KCNK2: variants seen among roughly 807,000 people sequenced by gnomAD.
KCNK2 encodes the protein potassium two pore domain channel subfamily K member 2, also known as potassium channel subfamily K member 2.
A neutral mutation model predicts 40.5 loss-of-function variants in KCNK2; 21 were observed. That is an observed-to-expected ratio of 0.52 (90% CI 0.37 to 0.75). The LOEUF is 0.75. Ranked by LOEUF, KCNK2 falls within the 30% of genes least tolerant of loss-of-function variation. The pLI is 0.00. For synonymous variants in KCNK2, 191 were observed against 202.2 expected, an observed-to-expected ratio of 0.94 and a Z score of 0.47; for missense variants, 399 against 531.6, an observed-to-expected ratio of 0.75 and a Z score of 2.45.
At chr1:215,048,809 A>G (rs1386691394) in intron 1 of KCNK2, among the ~76,000 whole-genome samples, 1 of 152,200 alleles carries the variant, frequency 6.6e-6, no homozygotes, top group Non-Finnish European at 1.5e-5. Context: ...CAGCCTGGAC[A>G]TGCATCTGAG....
chr1:215,213,175 AC>A (rs532602853), intron 6 of KCNK2, among the ~76,000 whole-genome samples: 14 of 152,212 alleles, frequency 9.2e-5, no homozygotes, highest in Non-Finnish European at 1.5e-4. Context: ...TCTGCATTTT[AC>A]CAGTGGGAAT....
chr1:215,043,599 T>G (rs1043631717), intron 1 of KCNK2, among the ~76,000 whole-genome samples: 4 of 152,094 alleles, frequency 2.6e-5, no homozygotes, highest in Non-Finnish European at 5.9e-5. Flanking sequence ...GTCAGAATCA[T>G]AGAGACAGAA....
intron 3 of KCNK2, among the ~76,000 whole-genome samples, chr1:215,128,563 A>G (rs1403989387): frequency 6.6e-6 from 1 of 152,188 alleles, no homozygotes; most frequent in Non-Finnish European, 1.5e-5. Context: ...TTTCAGTGCT[A>G]TGAGAATTGA....
chr1:215,183,788 A>G (rs1336841874), intron 5 of KCNK2, among the ~76,000 whole-genome samples: 1 of 152,196 alleles, frequency 6.6e-6, no homozygotes, highest in African/African-American at 2.4e-5. Flanking sequence ...AGAGAGTTTT[A>G]TACTTTTTGG....
chr1:215,059,136 T>C (rs1053632665), intron 1 of KCNK2, among the ~76,000 whole-genome samples: 5 of 120,642 alleles, frequency 4.1e-5, no homozygotes, highest in African/African-American at 1.7e-4. Context: ...CGTGTATATA[T>C]ATACACACAC....
At chr1:215,054,419 A>G (rs1184491335) in intron 1 of KCNK2, among the ~76,000 whole-genome samples, 2 of 152,224 alleles carry the variant, frequency 1.3e-5, no homozygotes, top group Admixed American at 1.3e-4. Context: ...TCCCTGCACC[A>G]GGAACACGTA....
At chr1:215,055,286 T>C (rs1658119844) in intron 1 of KCNK2, among the ~76,000 whole-genome samples, 1 of 152,210 alleles carries the variant, frequency 6.6e-6, no homozygotes, top group South Asian at 2.1e-4. Context: ...CAATTAGAAA[T>C]TCTCAGTACA....
At chr1:215,222,136 A>ACC (rs1488228014) in intron 6 of KCNK2, among the ~76,000 whole-genome samples, 1 of 151,994 alleles carries the variant, frequency 6.6e-6, no homozygotes, top group Admixed American at 6.6e-5. Flanking sequence ...TGAGGGATCC[A>ACC]CCCCCATGAC....
Position 215,082,830 on chromosome 1 carries a change from C to G in KCNK2, c.-556C>G, listed in dbSNP as rs1282718474. 6.6e-6 allele frequency among the ~76,000 whole-genome samples: 1 copy of G among 152,028 alleles called. No homozygotes were observed. Among genetic ancestry groups the G allele is most frequent in the Non-Finnish European group, 1.5e-5 (1 of 67,984 alleles). ...GGCGCCCGGACCGTGCCACACACCC[C>G]CCGCGGGGCACGGAGGGCATTGCGG... On this transcript the variant is annotated 5_prime_UTR_variant, in exon 1 of 7. Transcript: ENST00000444842.
Position 215,177,741 on chromosome 1 carries a change from T to TATATATA in KCNK2, c.823+5558_823+5559insATATATA, listed in dbSNP as rs1553270860. ...ATATGTGTATATATATATATATATA[T>TATATATA]TTTTTTTTTTTGTAGCAGTACCATG... On this transcript the variant is annotated intron_variant, in intron 5 of 6. Transcript: ENST00000444842. 2.3e-3 allele frequency among the ~76,000 whole-genome samples: 48 copies of TATATATA among 20,612 alleles called. 1 individual carries two copies. Among genetic ancestry groups the TATATATA allele is most frequent in the South Asian group, 0.013 (18 of 1,410 alleles). 13.5% of individuals were successfully genotyped at this position (20,612 alleles called of 152,430 possible).
At chr1:215,116,394 AT>A (rs1209461674) in intron 2 of KCNK2, among the ~76,000 whole-genome samples, 15 of 152,100 alleles carry the variant, frequency 9.9e-5, no homozygotes, top group Admixed American at 9.8e-4. Flanking sequence ...GATTAAAAAA[AT>A]CTCCCTAAAT....
intron 1 of KCNK2, among the ~76,000 whole-genome samples, chr1:215,059,273 A>G (rs892962803): frequency 1.3e-5 from 2 of 152,158 alleles, no homozygotes; most frequent in African/African-American, 4.8e-5. Context: ...AGATGTGTGC[A>G]GCATATAATC....
chr1:215,192,025 A>T (rs1284645248), intron 5 of KCNK2, among the ~76,000 whole-genome samples: 1 of 152,238 alleles, frequency 6.6e-6, no homozygotes, highest in East Asian at 1.9e-4. Context: ...CAACATAGCT[A>T]GACTGAAATT....
intron 1 of KCNK2, among the ~76,000 whole-genome samples, chr1:215,011,973 G>A (rs566297123): frequency 3.3e-5 from 5 of 152,188 alleles, no homozygotes; most frequent in African/African-American, 1.2e-4. Context: ...TGTTGTGTGT[G>A]TATATCAGTA....
At chr1:215,044,414 A>G (rs138724316) in intron 1 of KCNK2, among the ~76,000 whole-genome samples, 169 of 152,286 alleles carry the variant, frequency 1.1e-3, no homozygotes, top group African/African-American at 3.9e-3. Context: ...CCCTTTGGAA[A>G]GAATGATGTA....
At chr1:215,142,935 C>G (rs1176855059) in intron 3 of KCNK2, among the ~76,000 whole-genome samples, 1 of 152,016 alleles carries the variant, frequency 6.6e-6, no homozygotes, top group African/African-American at 2.4e-5. Context: ...GTCATCATAG[C>G]TGTGAAGAGA....
intron 1 of KCNK2, among the ~76,000 whole-genome samples, chr1:215,012,209 C>T (rs2601645): frequency 0.19 from 28,920 of 152,028 alleles, 4,645 homozygotes; most frequent in African/African-American, 0.44. Flanking sequence ...ACATATAACT[C>T]TATAAGAAAT....
chr1:215,169,185 T>C lies in KCNK2; in HGVS notation c.476-14T>C, dbSNP rs185337484. ...AACTATTATTCATTTGTAAACAATG[T>C]AATTTTTTTAAAGGATTTGGAAACA... On this transcript the variant is annotated splice_polypyrimidine_tract_variant and intron_variant, in intron 3 of 6. Transcript: ENST00000444842. The C allele has an allele frequency of 1.8e-4, 292 of 1,583,738 alleles. 1 individual carries two copies. In the African/African-American group the frequency reaches 3.8e-3, roughly 21 times the overall value.
At chr1:215,206,129 C>G (rs1023785573) in intron 6 of KCNK2, among the ~76,000 whole-genome samples, 10 of 152,146 alleles carry the variant, frequency 6.6e-5, no homozygotes, top group African/African-American at 1.9e-4. Flanking sequence ...AGTTTCTGCT[C>G]TCAGCCTTAC....
Sources: allele counts gnomAD v4.1 joint callset (sites outside exome capture counted in the v4.1 genomes callset), GRCh38; gene constraint gnomAD v4.1.1; transcripts MANE v1.5; gene names NCBI Gene and HGNC (gene_info 2026-07-23, HGNC 2026-07-21).